ZNF462: variants seen among roughly 807,000 people sequenced by gnomAD.
ZNF462 encodes the protein zinc finger PBX1-interacting protein.
Under a neutral mutation model 201.9 loss-of-function variants are expected in ZNF462, and 10 were observed. The observed-to-expected ratio is 0.05, with a 90% CI of 0.03 to 0.08. ZNF462 has a LOEUF of 0.08. Among genes scored for constraint, ZNF462 ranks in the 10% least tolerant of loss-of-function variants. ZNF462 has a pLI of 1.00. For synonymous variants in ZNF462, 1,227 were observed against 1,193.3 expected, an observed-to-expected ratio of 1.03 and a Z score of -0.58; for missense variants, 2,523 against 3,168.3, an observed-to-expected ratio of 0.80 and a Z score of 4.89.
intron 1 of ZNF462, among the ~76,000 whole-genome samples, chr9:106,882,219 C>CAGA (rs1188797988): frequency 6.6e-6 from 1 of 152,208 alleles, no homozygotes; most frequent in Non-Finnish European, 1.5e-5. Context: ...CTAGAAGCTA[C>CAGA]AGAAAGGCAG....
At position 106,940,757 on chromosome 9, in the gene ZNF462, T is replaced by C. The variant is rs577866586; in HGVS notation, c.6427+1650T>C. ...TGGGGAAGGAAGCCTGTAGTGTTTTTTTTTTCTCTTCTGGGAAAATTCAGA... is the reference window on the plus strand; with the variant it reads ...TGGGGAAGGAAGCCTGTAGTGTTTTCTTTTTCTCTTCTGGGAAAATTCAGA... On this transcript the variant is annotated intron_variant, in intron 7 of 12. Coordinates refer to ENST00000277225, the MANE Select transcript of ZNF462 (RefSeq NM_021224.6). Among the ~76,000 whole-genome samples the C allele has an allele frequency of 2.2e-3, 328 of 152,184 alleles. 3 individuals carry two copies. Among genetic ancestry groups the C allele is most frequent in the African/African-American group, 7.6e-3 (316 of 41,538 alleles).
At position 107,006,505 on chromosome 9, in the gene ZNF462, G is replaced by C. The variant is rs889939527; in HGVS notation, c.7190-3040G>C. On this transcript the variant is annotated intron_variant, in intron 11 of 12. Coordinates refer to ENST00000277225, the MANE Select transcript of ZNF462 (RefSeq NM_021224.6). This position sits in a 1 kb window ranked among gnomAD's most constrained non-coding sequence, Gnocchi z 4.3. ...GTGTAATCTTCACTGAAGGGGACCT[G>C]ACCCTGAAATCTGTGGATTCAGTGG... Among the ~76,000 whole-genome samples the C allele has an allele frequency of 3.3e-5, 5 of 152,128 alleles. No homozygotes were observed. Among genetic ancestry groups the C allele is most frequent in the Admixed American group, 3.3e-4 (5 of 15,266 alleles).
At chr9:106,867,201 T>G (rs915467750) in intron 1 of ZNF462, among the ~76,000 whole-genome samples, 3 of 152,340 alleles carry the variant, frequency 2.0e-5, no homozygotes, top group African/African-American at 7.2e-5. Context: ...AGGACATGGT[T>G]TTTTGAATTT....
chr9:106,947,772 C>T (rs1236047825), intron 7 of ZNF462, among the ~76,000 whole-genome samples: 5 of 152,092 alleles, frequency 3.3e-5, no homozygotes, highest in African/African-American at 1.2e-4. Context: ...AGCCTGTGCC[C>T]TTGAACTTTG....
At chr9:106,979,031 A>C (rs961921222) in intron 9 of ZNF462, 1 of 189,140 alleles carries the variant, frequency 5.3e-6, no homozygotes, top group Non-Finnish European at 1.1e-5. Context: ...CCTTGATAAT[A>C]CAATAGGGGA....
chr9:107,003,322 G>A lies in ZNF462; in HGVS notation c.7085G>A (p.Arg2362Gln), dbSNP rs769821020. 15 of 1,613,628 alleles carry A rather than the reference G, an allele frequency of 9.3e-6. No homozygotes were observed. Among genetic ancestry groups the A allele is most frequent in the Admixed American group, 1.7e-5 (1 of 59,950 alleles). ...AGCCGTAACTTTGAGCTGGTTGGAC[G>A]GGTTAACTTGGATCAGCTGGAACAG... Reference protein sequence around the residue: ...KVSRNFELVGRVNLDQLEQMK... With the variant: ...KVSRNFELVGQVNLDQLEQMK... The change falls in exon 11 of 13, where the codon CGG becomes CAG. Residue 2362 changes from arginine to glutamine, a missense_variant. Transcript: ENST00000277225. The surrounding 1 kb of genome is among the most constrained non-coding windows in gnomAD (Gnocchi z 4.4).
Position 106,930,037 on chromosome 9 carries a change from C to G in ZNF462, c.5847+278C>G, listed in dbSNP as rs1311670959. 2.6e-5 allele frequency among the ~76,000 whole-genome samples: 4 copies of G among 152,110 alleles called. No individual in the cohort carries two copies. The highest frequency in any genetic ancestry group is 4.4e-5 in the Non-Finnish European group (3 of 68,024). On this transcript the variant is annotated intron_variant, in intron 3 of 12. Transcript: ENST00000277225. The surrounding 1 kb of genome is among the most constrained non-coding windows in gnomAD (Gnocchi z 5.8). ...CTATGTATGTCTTTCTGCCAAGTAG[C>G]TTTATCTGAAGCCTAGTTTTACAAC...
intron 1 of ZNF462, among the ~76,000 whole-genome samples, chr9:106,901,107 A>G (rs60659217): frequency 0.012 from 1,840 of 152,180 alleles, 30 homozygotes; most frequent in African/African-American, 0.042. Context: ...CAAGTGGCTA[A>G]CCAGTTATCC....
chr9:106,946,902 A>G (rs1831132059), intron 7 of ZNF462, among the ~76,000 whole-genome samples: 1 of 152,228 alleles, frequency 6.6e-6, no homozygotes, highest in South Asian at 2.1e-4. Context: ...AAAATAAATT[A>G]CATACATTCT....
In ZNF462 at chr9:106,966,216, G is replaced by A. The variant is rs755235288; in HGVS notation, c.6428-5789G>A. The stretch of plus-strand genomic sequence containing the variant: ...TTTTAGAACTTGGCGATTTTAAATT[G>A]TCCCTTACACAACCTACCCCACCCT... On this transcript the variant is annotated intron_variant, in intron 7 of 12. Coordinates refer to ENST00000277225, the MANE Select transcript of ZNF462 (RefSeq NM_021224.6). This position sits in a 1 kb window ranked among gnomAD's most constrained non-coding sequence, Gnocchi z 4.4. 3.9e-5 allele frequency among the ~76,000 whole-genome samples: 6 copies of A among 151,962 alleles called. No individual in the cohort carries two copies. The highest frequency in any genetic ancestry group is 5.9e-5 in the Non-Finnish European group (4 of 67,974).
Position 106,970,147 on chromosome 9 carries a change from A to G in ZNF462, c.6428-1858A>G, listed in dbSNP as rs75593792. 0.026 allele frequency among the ~76,000 whole-genome samples: 4,016 copies of G among 152,286 alleles called. 195 individuals carry two copies. Among genetic ancestry groups the G allele is most frequent in the African/African-American group, 0.091 (3,764 of 41,552 alleles). On this transcript the variant is annotated intron_variant, in intron 7 of 12. Coordinates refer to ENST00000277225, the MANE Select transcript of ZNF462 (RefSeq NM_021224.6). The surrounding 1 kb of genome is among the most constrained non-coding windows in gnomAD (Gnocchi z 4.2). ...GTAGAGGAATAAAGAAAAAGGAGAT[A>G]AAAGAACTGGGTAAAATGAATTCAG...
intron 7 of ZNF462, among the ~76,000 whole-genome samples, chr9:106,957,852 A>G (rs902704700): frequency 1.1e-4 from 16 of 152,166 alleles, no homozygotes; most frequent in African/African-American, 3.4e-4. Flanking sequence ...TTTGCAGCAC[A>G]TGGATAAAGC....
intron 1 of ZNF462, among the ~76,000 whole-genome samples, chr9:106,912,755 A>C (rs1829602851): frequency 6.6e-6 from 1 of 152,328 alleles, no homozygotes; most frequent in South Asian, 2.1e-4. Context: ...TCTCCTCTCC[A>C]TTGGACATGA....
In ZNF462 at chr9:106,981,620, A is replaced by C. The variant is rs1827438670; in HGVS notation, c.6833-2566A>C. Among the ~76,000 whole-genome samples, 1 of 152,220 alleles carries C rather than the reference A, an allele frequency of 6.6e-6. No individual in the cohort carries two copies. The highest frequency in any genetic ancestry group is 1.5e-5 in the Non-Finnish European group (1 of 68,042). On this transcript the variant is annotated intron_variant, in intron 9 of 12. Coordinates refer to ENST00000277225, the MANE Select transcript of ZNF462 (RefSeq NM_021224.6). The surrounding 1 kb of genome is among the most constrained non-coding windows in gnomAD (Gnocchi z 4.0). ...AGTCTGCAGTGGTGTTCACATGAAT[A>C]ATTACTTGAACTTCAGGGTGTTATT...
chr9:106,983,688 T>G (rs1827613688), intron 9 of ZNF462, among the ~76,000 whole-genome samples: 1 of 152,150 alleles, frequency 6.6e-6, no homozygotes, highest in African/African-American at 2.4e-5. Flanking sequence ...AAAATGAGAG[T>G]AACTCCAGCC....
At chr9:106,914,718 C>G (rs1169366819) in intron 1 of ZNF462, among the ~76,000 whole-genome samples, 1 of 152,090 alleles carries the variant, frequency 6.6e-6, no homozygotes, top group Non-Finnish European at 1.5e-5. Context: ...AAGAAAAGAC[C>G]ACAAACAAAC....
rs911485965 is a variant in ZNF462 at position 106,977,726 on chromosome 9, T to G, written c.6832+3453T>G. On this transcript the variant is annotated intron_variant, in intron 9 of 12. Transcript: ENST00000277225. The surrounding 1 kb of genome is among the most constrained non-coding windows in gnomAD (Gnocchi z 4.6). ...TGATGGGTATCTAGGTATATTTCTG[T>G]TTGTAGTAGAGAGGGGTGGCTTTCA... Among the ~76,000 whole-genome samples the G allele has an allele frequency of 2.6e-5, 4 of 151,430 alleles. No individual in the cohort carries two copies. The highest frequency in any genetic ancestry group is 9.8e-5 in the African/African-American group (4 of 40,756).
chr9:106,993,684 A>G lies in ZNF462; in HGVS notation c.7056+9275A>G, dbSNP rs184144492. On this transcript the variant is annotated intron_variant, in intron 10 of 12. Coordinates refer to ENST00000277225, the MANE Select transcript of ZNF462 (RefSeq NM_021224.6). The surrounding 1 kb of genome is among the most constrained non-coding windows in gnomAD (Gnocchi z 4.0). Reference sequence around the variant, plus strand: ...GTCCCCCAACATTCTACCCCCCAACACACATAGTGAATTATTTATCAGTAA... The same window carrying G: ...GTCCCCCAACATTCTACCCCCCAACGCACATAGTGAATTATTTATCAGTAA... Among the ~76,000 whole-genome samples the G allele has an allele frequency of 4.2e-3, 595 of 141,058 alleles. 1 individual carries two copies. Among genetic ancestry groups the G allele is most frequent in the Admixed American group, 6.8e-3 (92 of 13,592 alleles). The allele number at this position is 141,058 out of a possible 152,430, so 92.5% of individuals were successfully genotyped here.
At chr9:106,973,444 A>T (rs1826745070) in intron 8 of ZNF462, among the ~76,000 whole-genome samples, 1 of 152,182 alleles carries the variant, frequency 6.6e-6, no homozygotes, top group Admixed American at 6.5e-5. Flanking sequence ...TTTGGTGCTG[A>T]GAGAAGGCTA....
Sources: allele counts gnomAD v4.1 joint callset (sites outside exome capture counted in the v4.1 genomes callset), GRCh38; gene constraint gnomAD v4.1.1; non-coding constraint Gnocchi (gnomAD v3.1); transcripts MANE v1.5; gene names NCBI Gene and HGNC (gene_info 2026-07-23, HGNC 2026-07-21).